The following NDFIP1 variants were observed in gnomAD, a reference collection of about 807,000 sequenced individuals.
The protein encoded by NDFIP1 is NEDD4 family-interacting protein 1.
In NDFIP1, 7 loss-of-function variants were observed where a neutral mutation model predicts 28.8. That is an observed-to-expected ratio of 0.24 (90% CI 0.14 to 0.46). The LOEUF is 0.46. Among genes scored for constraint, NDFIP1 ranks in the 20% least tolerant of loss-of-function variants. The pLI, the probability that NDFIP1 is intolerant of heterozygous loss-of-function variation, is 0.99. For missense variants in NDFIP1, 194 were observed against 269.1 expected (o/e 0.72, Z 1.95); for synonymous variants, 92 against 101.0 (o/e 0.91, Z 0.53).
intron 5 of NDFIP1, 25 bp downstream of exon 5, chr5:142,137,883 G>T (rs755029875): frequency 2.5e-6 from 4 of 1,601,352 alleles, no homozygotes; most frequent in Non-Finnish European, 3.4e-6. Context: ...AGAAAAGATG[G>T]GCTCTACAGA....
chr5:142,122,332 C>T (rs1439743580), intron 1 of NDFIP1, among the ~76,000 whole-genome samples: 1 of 152,074 alleles, frequency 6.6e-6, no homozygotes, highest in Admixed American at 6.5e-5. Context: ...CAAAATTTAC[C>T]CATGTGGGTT....
intron 1 of NDFIP1, 108 bp downstream of exon 1, chr5:142,109,145 T>A: frequency 9.6e-7 from 1 of 1,039,150 alleles, no homozygotes; most frequent in Non-Finnish European, 1.2e-6. Flanking sequence ...ACGCCGGGGC[T>A]TGGCAGGCCG....
At chr5:142,132,717 T>A (rs566451141) in intron 3 of NDFIP1, among the ~76,000 whole-genome samples, 1 of 152,326 alleles carries the variant, frequency 6.6e-6, no homozygotes, top group South Asian at 2.1e-4. Context: ...TGCAAATTTG[T>A]AGAATTAAAC....
At chr5:142,124,254 C>A (rs1212287534) in intron 1 of NDFIP1, among the ~76,000 whole-genome samples, 3 of 152,156 alleles carry the variant, frequency 2.0e-5, no homozygotes, top group African/African-American at 7.2e-5. Context: ...ACCCCAAAAC[C>A]TTGCAGTGCT....
At position 142,144,696 on chromosome 5, in the gene NDFIP1, T is replaced by C; in HGVS notation, c.*2+20T>C. On this transcript the variant is annotated intron_variant, in intron 7 of 7. Transcript: ENST00000253814. ...TTAAAGGTATTAAAGAAAAAATTTA[T>C]TCTAGTCCCAGTGTAACCATGTGCT... is the stretch of plus-strand genomic sequence containing the variant. The C allele has an allele frequency of 1.4e-6, 2 of 1,461,082 alleles. No individual in the cohort carries two copies. Among genetic ancestry groups the C allele is most frequent in the African/African-American group, 1.4e-5 (1 of 71,102 alleles). 90.5% of individuals were successfully genotyped at this position (1,461,082 alleles called of 1,614,324 possible).
chr5:142,144,740 C>A, intron 7 of NDFIP1, 64 bp downstream of exon 7: 1 of 1,088,836 alleles, frequency 9.2e-7, no homozygotes, highest in Non-Finnish European at 1.4e-6. Flanking sequence ...GATTTCTGTT[C>A]AGTTTTAGAG....
At chr5:142,120,285 C>T (rs996664289) in intron 1 of NDFIP1, among the ~76,000 whole-genome samples, 2 of 152,214 alleles carry the variant, frequency 1.3e-5, no homozygotes, top group African/African-American at 4.8e-5. Flanking sequence ...TAAATCTCGT[C>T]TACAGCCATA....
chr5:142,123,399 G>T (rs190406408), intron 1 of NDFIP1, among the ~76,000 whole-genome samples: 1 of 152,188 alleles, frequency 6.6e-6, no homozygotes, highest in Non-Finnish European at 1.5e-5. Context: ...CTCCCAAAGT[G>T]CTGGGATTAC....
Position 142,153,713 on chromosome 5 carries a change from T to A in NDFIP1, c.*1985T>A. 1 of 246,060 alleles carries A rather than the reference T, an allele frequency of 4.1e-6. No individual in the cohort carries two copies. The allele number at this position is 246,060 out of a possible 1,614,324, so 15.2% of individuals were successfully genotyped here. ...CAGAATGAAAAGATCTGTAACAATC[T>A]GAATAGATGTGGACACATATAGCAG... On this transcript the variant is annotated 3_prime_UTR_variant, in exon 8 of 8. Transcript: ENST00000253814.
chr5:142,110,624 A>G (rs1051147066), intron 1 of NDFIP1, among the ~76,000 whole-genome samples: 2 of 152,202 alleles, frequency 1.3e-5, no homozygotes, highest in African/African-American at 4.8e-5. Flanking sequence ...AGAGAAAAAA[A>G]TCTTCCTAGA....
chr5:142,133,229 A>G (rs1402871877), intron 3 of NDFIP1, among the ~76,000 whole-genome samples: 2 of 152,238 alleles, frequency 1.3e-5, no homozygotes, highest in Admixed American at 6.5e-5. Flanking sequence ...AGCCCAATCT[A>G]GGATGATCCT....
chr5:142,150,721 CAAAA>C (rs11301868), intron 7 of NDFIP1, among the ~76,000 whole-genome samples: 2 of 133,814 alleles, frequency 1.5e-5, no homozygotes. Flanking sequence ...CTCTTGTCTC[CAAAA>C]AAAAAAAAAA....
chr5:142,116,046 G>T (rs1231471556), intron 1 of NDFIP1, among the ~76,000 whole-genome samples: 1 of 152,078 alleles, frequency 6.6e-6, no homozygotes, highest in Non-Finnish European at 1.5e-5. Context: ...TCCCATTTTG[G>T]TATCTGTGGG....
At chr5:142,137,705 A>G (rs757028875) in intron 4 of NDFIP1, 29 bp from the exon 5 acceptor site, 19 of 1,612,694 alleles carry the variant, frequency 1.2e-5, no homozygotes, top group Admixed American at 8.3e-5. Flanking sequence ...GGACATGTCT[A>G]ACATCTTTCC....
chr5:142,141,196 T>A (rs796146695), intron 6 of NDFIP1, among the ~76,000 whole-genome samples: 2,642 of 99,610 alleles, frequency 0.027, 94 homozygotes, highest in African/African-American at 0.1. Context: ...TTTTTTTTTT[T>A]ACAGAGTCTT....
rs1757454457 is a variant in NDFIP1 at position 142,152,265 on chromosome 5, GT to G, written c.*538del. The G allele has an allele frequency of 6.6e-6, 1 of 152,644 alleles. No individual in the cohort carries two copies. The highest frequency in any genetic ancestry group is 6.5e-5 in the Admixed American group (1 of 15,274). 9.5% of individuals were successfully genotyped at this position (152,644 alleles called of 1,614,324 possible). On this transcript the variant is annotated 3_prime_UTR_variant, in exon 8 of 8. Coordinates refer to ENST00000253814, the MANE Select transcript of NDFIP1 (RefSeq NM_030571.4). ...ATGAACACCTGGAAGCAAAATCATAGTGCAAAAATACATTTAAGGTGTGGTC... is the reference window on the plus strand; with the variant it reads ...ATGAACACCTGGAAGCAAAATCATAGGCAAAAATACATTTAAGGTGTGGTC...
chr5:142,136,741 G>A (rs1486296848), intron 4 of NDFIP1, among the ~76,000 whole-genome samples: 2 of 117,520 alleles, frequency 1.7e-5, no homozygotes, highest in East Asian at 2.6e-4. Context: ...GGGGACAAGA[G>A]TGAGACTTCG....
At chr5:142,141,516 T>C (rs1273209254) in intron 6 of NDFIP1, among the ~76,000 whole-genome samples, 6 of 152,102 alleles carry the variant, frequency 3.9e-5, no homozygotes, top group Non-Finnish European at 5.9e-5. Context: ...TTTTAAATAC[T>C]TTTTTCCTAG....
At chr5:142,142,426 A>C (rs1327253986) in intron 6 of NDFIP1, among the ~76,000 whole-genome samples, 2 of 152,172 alleles carry the variant, frequency 1.3e-5, no homozygotes, top group African/African-American at 4.8e-5. Context: ...TACCTTTAAG[A>C]GAAAGGCTGA....
Sources: allele counts gnomAD v4.1 joint callset (sites outside exome capture counted in the v4.1 genomes callset), GRCh38; gene constraint gnomAD v4.1.1; transcripts MANE v1.5; gene names NCBI Gene and HGNC (gene_info 2026-07-23, HGNC 2026-07-21).